RTEL1: variants seen among roughly 807,000 people sequenced by gnomAD.
The protein encoded by RTEL1 is regulator of telomere length.
In RTEL1, 86 loss-of-function variants were observed where a neutral mutation model predicts 162.2. The ratio of observed to expected loss-of-function variants is 0.53; its 90% confidence interval spans 0.45 to 0.63. The LOEUF is 0.63. Among genes scored for constraint, RTEL1 ranks in the 30% least tolerant of loss-of-function variants. RTEL1 has a pLI of 0.00. For missense variants in RTEL1, 1,941 were observed against 1,750.2 expected (o/e 1.11, Z -1.95); for synonymous variants, 958 against 717.9 (o/e 1.33, Z -5.35).
chr20:63,687,841 G>T, intron 17 of RTEL1, 71 bp downstream of exon 17: 2 of 1,558,884 alleles, frequency 1.3e-6, no homozygotes, highest in Non-Finnish European at 8.7e-7. Flanking sequence ...AAGTGGTGGG[G>T]GTCCCCATGA....
chr20:63,664,248 G>A (rs779812983), intron 6 of RTEL1, among the ~76,000 whole-genome samples: 3 of 152,200 alleles, frequency 2.0e-5, no homozygotes, highest in South Asian at 2.1e-4. Flanking sequence ...TCAAGCAGGC[G>A]TCATTTCCGA....
chr20:63,690,030 G>T, intron 24 of RTEL1, 57 bp from the exon 25 acceptor site: 1 of 1,589,202 alleles, frequency 6.3e-7, no homozygotes, highest in Non-Finnish European at 8.6e-7. Flanking sequence ...TCACTTCGGT[G>T]AACTGAACCC....
intron 30 of RTEL1, 59 bp downstream of exon 30, chr20:63,693,342 A>C: frequency 1.3e-6 from 2 of 1,594,206 alleles, no homozygotes; most frequent in African/African-American, 1.3e-5. Context: ...TGTGGGCCAG[A>C]GTCCTGGGCT....
intron 31 of RTEL1, 26 bp from the exon 32 acceptor site, chr20:63,694,715 T>C (rs771931174): frequency 1.3e-6 from 2 of 1,567,558 alleles, no homozygotes; most frequent in Non-Finnish European, 1.7e-6. Flanking sequence ...CCAGCGCCAC[T>C]CTGAGCCATG....
intron 29 of RTEL1, 47 bp from the exon 30 acceptor site, chr20:63,693,096 T>C (rs533068816): frequency 1.2e-6 from 2 of 1,611,894 alleles, no homozygotes; most frequent in East Asian, 4.5e-5. Context: ...GTCTCTGTTC[T>C]CTAGAGAAAA....
chr20:63,670,958 G>A (rs981944325), intron 8 of RTEL1, among the ~76,000 whole-genome samples: 1 of 152,232 alleles, frequency 6.6e-6, no homozygotes, highest in African/African-American at 2.4e-5. Flanking sequence ...AACACTAACA[G>A]CAGCCACGGG....
Position 63,690,330 on chromosome 20 carries a change from G to T in RTEL1, c.2302G>T (p.Val768Leu). The change falls in exon 26 of 35, where the codon GTG becomes TTG. Residue 768 changes from valine (V) to leucine (L), a missense_variant. Transcript: ENST00000360203. The stretch of plus-strand genomic sequence containing the variant: ...GGCCCCCCGGGCTACAGCACCCAGT[G>T]TGCGTGGAGAAGATGCTGTCAGCGA... Reference protein sequence around the residue: ...APAPRATAPSVRGEDAVSEAK... With the variant: ...APAPRATAPSLRGEDAVSEAK... 1 of 1,610,554 alleles carries T rather than the reference G, an allele frequency of 6.2e-7. No homozygotes were observed. The highest frequency in any genetic ancestry group is 8.5e-7 in the Non-Finnish European group (1 of 1,178,620).
rs1601103729 is a variant in RTEL1, at chr20:63,668,078, T to A, written c.699+525T>A. Among the ~76,000 whole-genome samples the A allele has an allele frequency of 1.0e-5, 1 of 98,626 alleles. No individual in the cohort carries two copies. The highest frequency in any genetic ancestry group is 2.1e-5 in the Non-Finnish European group (1 of 48,364). 64.7% of individuals were successfully genotyped at this position (98,626 alleles called of 152,430 possible). On this transcript the variant is annotated intron_variant, in intron 8 of 34. Transcript: ENST00000360203. This position sits in a 1 kb window ranked among gnomAD's most constrained non-coding sequence, Gnocchi z 4.3. The stretch of plus-strand genomic sequence containing the variant: ...CCTCCCAGTGTGTGCCCAGCCCCAC[T>A]CCCTTCCGCCCCGTGTGCCCAGCCC...
intron 27 of RTEL1, 100 bp downstream of exon 27, chr20:63,691,047 T>C: frequency 2.4e-6 from 3 of 1,255,664 alleles, no homozygotes; most frequent in Admixed American, 3.0e-5. Context: ...CACACCCCTG[T>C]AAATCCCCTG....
intron 14 of RTEL1, among the ~76,000 whole-genome samples, chr20:63,683,685 C>T (rs906901360): frequency 3.9e-5 from 6 of 152,266 alleles, no homozygotes; most frequent in South Asian, 2.1e-4. Context: ...GGGGCTCTGA[C>T]GGCGGTGGCT....
intron 10 of RTEL1, among the ~76,000 whole-genome samples, chr20:63,677,618 T>C (rs115933293): frequency 0.012 from 1,817 of 152,238 alleles, 31 homozygotes; most frequent in African/African-American, 0.042. Flanking sequence ...GTCTCAAAAA[T>C]GAATAGATAA....
intron 6 of RTEL1, 88 bp from the exon 7 acceptor site, chr20:63,665,916 A>G (rs796092361): frequency 3.2e-6 from 4 of 1,252,428 alleles, no homozygotes; most frequent in South Asian, 1.3e-5. Flanking sequence ...CCCGCCGTGT[A>G]GGAGCCGTTC....
chr20:63,690,573 T>A, intron 26 of RTEL1, 132 bp downstream of exon 26: 2 of 1,255,584 alleles, frequency 1.6e-6, no homozygotes, highest in Middle Eastern at 5.6e-4. Flanking sequence ...CTCCAAAGGC[T>A]GCCTCTCCCT....
chr20:63,660,448 C>T (rs1342474259), intron 2 of RTEL1, among the ~76,000 whole-genome samples: 2 of 152,250 alleles, frequency 1.3e-5, no homozygotes, highest in East Asian at 1.9e-4. Flanking sequence ...ACCAAGCATA[C>T]TGCCTGTAAA....
At chr20:63,676,889 C>T (rs368342867) in intron 10 of RTEL1, among the ~76,000 whole-genome samples, 15 of 142,566 alleles carry the variant, frequency 1.1e-4, no homozygotes, top group East Asian at 3.9e-4. Flanking sequence ...GAGCCGAGAT[C>T]GCACCATTGC....
At position 63,694,400 on chromosome 20, in the gene RTEL1, C is replaced by T. The variant is rs762149661; in HGVS notation, c.3021C>T (p.Thr1007=). The change falls in exon 31 of 35, where the codon ACC becomes ACT. Residue 1007 remains threonine (T), a synonymous_variant. Transcript: ENST00000360203. ...TGRTAPDPKL[T]VSTAAAQQLD... ...GAACGGCGCCGGATCCCAAGCTGAC[C>T]GTGTCCACGGCTGCAGCCCAGCAGC... is the stretch of plus-strand genomic sequence containing the variant. The T allele has an allele frequency of 4.3e-6, 7 of 1,612,434 alleles. No individual in the cohort carries two copies. The highest frequency in any genetic ancestry group is 2.2e-5 in the South Asian group (2 of 91,082).
chr20:63,660,243 C>A (rs531359448), intron 2 of RTEL1, among the ~76,000 whole-genome samples: 1 of 152,336 alleles, frequency 6.6e-6, no homozygotes, highest in African/African-American at 2.4e-5. Context: ...TTTTACTAAT[C>A]CTCAGCACAG....
intron 9 of RTEL1, among the ~76,000 whole-genome samples, chr20:63,672,858 A>G (rs934588078): frequency 3.9e-5 from 6 of 152,142 alleles, no homozygotes; most frequent in Non-Finnish European, 7.4e-5. Flanking sequence ...CAGGGCCCCC[A>G]CAGGCCGCTC....
At position 63,694,766 on chromosome 20, in the gene RTEL1, G is replaced by T; in HGVS notation, c.3135G>T (p.Trp1045Cys). The T allele has an allele frequency of 6.2e-7, 1 of 1,608,072 alleles. No homozygotes were observed. ...GAGACCCTGGCAGCCAACCACAGTG[G>T]GGGTCTGGAGTGCCCAGAGCAGGGA... ...PTGDPGSQPQ[W>C]GSGVPRAGKQ... Residue 1045 changes from tryptophan (W) to cysteine (C), a missense_variant, in exon 32 of 35, where the codon TGG becomes TGT. Transcript: ENST00000360203.
Sources: gnomAD v4.1 joint callset for allele counts (sites outside exome capture counted in the v4.1 genomes callset) on GRCh38, gnomAD v4.1.1 for gene constraint, Gnocchi (gnomAD v3.1) non-coding constraint, MANE v1.5 for transcripts, NCBI Gene and HGNC (gene_info 2026-07-23, HGNC 2026-07-21) for gene names.